Variants in FBXL20 observed in about 807,000 individuals in gnomAD.
FBXL20 encodes the protein F-box and leucine rich repeat protein 20, also known as F-box/LRR-repeat protein 20.
Under a neutral mutation model 64.0 loss-of-function variants are expected in FBXL20, and 11 were observed. That is an observed-to-expected ratio of 0.17 (90% confidence interval 0.11 to 0.28). The LOEUF (loss-of-function observed/expected upper bound fraction) is 0.28. Ranked by LOEUF, FBXL20 falls within the 10% of genes least tolerant of loss-of-function variation. FBXL20 has a pLI of 1.00. For missense variants in FBXL20, 303 were observed against 526.2 expected, an observed-to-expected ratio of 0.58 and a Z score of 4.15; for synonymous variants, 184 against 189.0, an observed-to-expected ratio of 0.97 and a Z score of 0.22.
chr17:39,401,854 G>T, upstream of FBXL20: 1 of 415,012 alleles, frequency 2.4e-6, no homozygotes, highest in Non-Finnish European at 3.6e-6. Context: ...CTGCGCCTCC[G>T]AGGCAGACGA....
intron 10 of FBXL20, among the ~76,000 whole-genome samples, chr17:39,271,540 G>C (rs563284617): frequency 4.2e-4 from 57 of 135,794 alleles, no homozygotes; most frequent in Admixed American, 1.6e-3. Context: ...GGAGGTTGCA[G>C]TGAGCCGAGA....
Position 39,264,391 on chromosome 17 carries a change from C to A in FBXL20, c.991-4G>T. ...TCAGCTCACAGTGAGACAGACTCTG[C>A]AGCCAAATAGAGCAAGGAAGGATGT... is the stretch of plus-strand genomic sequence containing the variant. On this transcript the variant is annotated splice_polypyrimidine_tract_variant and splice_region_variant and intron_variant, in intron 13 of 14. Transcript: ENST00000264658. 1 of 1,611,790 alleles carries A rather than the reference C, an allele frequency of 6.2e-7. No homozygotes were observed. The highest frequency in any genetic ancestry group is 8.5e-7 in the Non-Finnish European group (1 of 1,178,916).
chr17:39,308,059 C>G (rs2047198719), intron 2 of FBXL20, among the ~76,000 whole-genome samples: 1 of 151,502 alleles, frequency 6.6e-6, no homozygotes, highest in Non-Finnish European at 1.5e-5. Context: ...CCAGGCCAGG[C>G]ATGGTGGCTC....
At chr17:39,398,444 T>C (rs897211903) in intron 1 of FBXL20, among the ~76,000 whole-genome samples, 3 of 152,278 alleles carry the variant, frequency 2.0e-5, no homozygotes, top group African/African-American at 7.2e-5. Flanking sequence ...ATAACATAAT[T>C]AAAATATCTG....
At chr17:39,335,404 G>A (rs2047510606) in intron 2 of FBXL20, among the ~76,000 whole-genome samples, 1 of 151,594 alleles carries the variant, frequency 6.6e-6, no homozygotes, top group African/African-American at 2.4e-5. Context: ...TAATTATCCC[G>A]CTGCAGTGTC....
At chr17:39,303,451 C>T in intron 3 of FBXL20, 134 bp downstream of exon 3, 1 of 662,378 alleles carries the variant, frequency 1.5e-6, no homozygotes, top group Non-Finnish European at 2.4e-6. Context: ...TTGGGTATGT[C>T]ATTGGTGAAA....
chr17:39,347,219 C>T (rs2047642290), intron 1 of FBXL20, among the ~76,000 whole-genome samples: 2 of 152,262 alleles, frequency 1.3e-5, no homozygotes, highest in South Asian at 2.1e-4. Context: ...AATGGGATCG[C>T]TGGGTCAAAT....
rs536670559 is a variant in FBXL20 at position 39,307,224 on chromosome 17, C to T, written c.105-3585G>A. ...TAAGTCCCTACTGTTGAGTAACTCA[C>T]GGCATAGGGGCTGGAGGTAGATAAA... On this transcript the variant is annotated intron_variant, in intron 2 of 14. Transcript: ENST00000264658. 4.6e-5 allele frequency among the ~76,000 whole-genome samples: 7 copies of T among 152,120 alleles called. No individual in the cohort carries two copies. The East Asian group carries it at 1.2e-3, about 25-fold the overall frequency.
At chr17:39,319,673 C>CAAAAAAAAAAAAAAAAA (rs71300077) in intron 2 of FBXL20, among the ~76,000 whole-genome samples, 1 of 47,306 alleles carries the variant, frequency 2.1e-5, no homozygotes, top group Admixed American at 2.9e-4. Flanking sequence ...GACTCCATAT[C>CAAAAAAAAAAAAAAAAA]AAAAAAAAAA....
chr17:39,356,887 C>G (rs2047746937), intron 1 of FBXL20, among the ~76,000 whole-genome samples: 2 of 151,258 alleles, frequency 1.3e-5, no homozygotes, highest in South Asian at 2.1e-4. Context: ...TAGTCTTAAA[C>G]TCCTAAACTC....
chr17:39,394,429 C>T (rs192062394), intron 1 of FBXL20, among the ~76,000 whole-genome samples: 254 of 151,816 alleles, frequency 1.7e-3, no homozygotes, highest in Non-Finnish European at 3.1e-3. Context: ...CCTGCCACCA[C>T]GCCAGGCTAA....
intron 12 of FBXL20, among the ~76,000 whole-genome samples, chr17:39,266,360 T>C (rs933520451): frequency 1.3e-5 from 2 of 152,010 alleles, no homozygotes; most frequent in Non-Finnish European, 1.5e-5. Context: ...GCTGGGATTA[T>C]AGGCATGTGC....
intron 2 of FBXL20, among the ~76,000 whole-genome samples, chr17:39,309,506 TTTTA>T (rs1309486649): frequency 6.6e-6 from 1 of 152,178 alleles, no homozygotes; most frequent in Non-Finnish European, 1.5e-5. Flanking sequence ...ATTATTTTTA[TTTTA>T]TTTATTTATT....
chr17:39,306,302 C>T (rs2047182674), intron 2 of FBXL20, among the ~76,000 whole-genome samples: 1 of 151,960 alleles, frequency 6.6e-6, no homozygotes, highest in South Asian at 2.1e-4. Flanking sequence ...AGGCATCCCA[C>T]CACCACACGC....
At chr17:39,261,778 G>A (rs537694706) in intron 14 of FBXL20, among the ~76,000 whole-genome samples, 1 of 152,066 alleles carries the variant, frequency 6.6e-6, no homozygotes, top group South Asian at 2.1e-4. Flanking sequence ...TTTGGTACCT[G>A]TTTGTGTAAT....
intron 2 of FBXL20, among the ~76,000 whole-genome samples, chr17:39,337,558 G>A (rs1181947671): frequency 2.7e-5 from 4 of 147,356 alleles, no homozygotes; most frequent in South Asian, 4.3e-4. Flanking sequence ...CTGCCCCGCC[G>A]CCCCGTCTGG....
chr17:39,303,553 G>GGTCC (rs1567871348), intron 3 of FBXL20, 32 bp downstream of exon 3: 2 of 1,584,762 alleles, frequency 1.3e-6, no homozygotes, highest in South Asian at 2.3e-5. Flanking sequence ...ATGAAGAAGG[G>GGTCC]GTCCCCCTGT....
chr17:39,273,776 C>T (rs1410316939), intron 10 of FBXL20, among the ~76,000 whole-genome samples: 3 of 149,534 alleles, frequency 2.0e-5, no homozygotes, highest in Non-Finnish European at 3.0e-5. Context: ...GCCGAGATCG[C>T]GCCACTGCAC....
chr17:39,392,170 T>C (rs2048140189), intron 1 of FBXL20, among the ~76,000 whole-genome samples: 1 of 152,006 alleles, frequency 6.6e-6, no homozygotes, highest in Non-Finnish European at 1.5e-5. Context: ...CCAGGCGCAG[T>C]GGCTCATGCC....
Sources: gnomAD v4.1 joint callset for allele counts (sites outside exome capture counted in the v4.1 genomes callset) on GRCh38, gnomAD v4.1.1 for gene constraint, MANE v1.5 for transcripts, NCBI Gene and HGNC (gene_info 2026-07-23, HGNC 2026-07-21) for gene names.